PTGER1: variants seen among roughly 807,000 people sequenced by gnomAD.
PTGER1 encodes the protein prostaglandin E2 receptor EP1 subtype.
PTGER1 carries 15 observed loss-of-function variants against 18.5 expected under a neutral mutation model. The ratio of observed to expected loss-of-function variants is 0.81; its 90% CI spans 0.54 to 1.25. The LOEUF is 1.25. PTGER1 is among the 50% of genes most tolerant of loss of function. The pLI is 0.00. For synonymous variants in PTGER1, 339 were observed against 308.4 expected (o/e 1.10, Z -1.04); for missense variants, 567 against 603.4 (o/e 0.94, Z 0.63).
Position 14,474,158 on chromosome 19 carries a change from C to T in PTGER1, c.163G>A (p.Ala55Thr). 1 of 1,469,392 alleles carries T rather than the reference C, an allele frequency of 6.8e-7. No individual in the cohort carries two copies. 91.0% of individuals were successfully genotyped at this position (1,469,392 alleles called of 1,614,324 possible). A position where few individuals can be genotyped will look rare whatever the true frequency, so the allele number is the denominator to read the frequency against. ...LGAVSNLLAL[A>T]LLAQAAGRLR... ...CGGCCCGCGGCCTGCGCCAGCAGCG[C>T]CAGCGCCAGCAGGTTGGACACGGCG... is the stretch of plus-strand genomic sequence containing the variant. Residue 55 changes from alanine to threonine, a missense_variant, in exon 2 of 3, where the codon GCG becomes ACG. Transcript: ENST00000292513. The surrounding 1 kb of genome is among the most constrained non-coding windows in gnomAD (Gnocchi z 5.4).
Position 14,473,329 on chromosome 19 carries a change from C to G in PTGER1, c.942+50G>C, listed in dbSNP as rs931715464. 1.3e-6 allele frequency: 2 copies of G among 1,543,252 alleles called. No homozygotes were observed. The highest frequency in any genetic ancestry group is 1.7e-6 in the Non-Finnish European group (2 of 1,149,022). On this transcript the variant is annotated intron_variant, in intron 2 of 2. Coordinates refer to ENST00000292513, the MANE Select transcript of PTGER1 (RefSeq NM_000955.3). This position sits in a 1 kb window ranked among gnomAD's most constrained non-coding sequence, Gnocchi z 7.1. ...GGGACGACAAAGGGCGGGAGGGTGC[C>G]GAGAGGGAGCGGGAAGGAGCGTGGC...
Position 14,473,958 on chromosome 19 carries a change from G to A in PTGER1, c.363C>T (p.Gly121=), listed in dbSNP as rs1232932380. The change falls in exon 2 of 3, where the codon GGC becomes GGT. Residue 121 remains glycine (G), a synonymous_variant. Coordinates refer to ENST00000292513, the MANE Select transcript of PTGER1 (RefSeq NM_000955.3). The surrounding 1 kb of genome is among the most constrained non-coding windows in gnomAD (Gnocchi z 7.1). ...CACAGCCCAGCAGCAGCGGGCACAGGCCGAAGAAGACCATGCAGCCGCCCA... is the reference window on the plus strand; with the variant it reads ...CACAGCCCAGCAGCAGCGGGCACAGACCGAAGAAGACCATGCAGCCGCCCA... ...HFLGGCMVFF[G]LCPLLLGCGM... 15 of 1,490,816 alleles carry A rather than the reference G, an allele frequency of 1.0e-5. 1 individual carries two copies. Among genetic ancestry groups the A allele is most frequent in the African/African-American group, 1.5e-5 (1 of 68,540 alleles). 92.3% of individuals were successfully genotyped at this position (1,490,816 alleles called of 1,614,324 possible).
At position 14,473,357 on chromosome 19, in the gene PTGER1, G is replaced by T; in HGVS notation, c.942+22C>A. The T allele has an allele frequency of 1.3e-6, 2 of 1,557,884 alleles. No individual in the cohort carries two copies. The highest frequency in any genetic ancestry group is 1.2e-5 in the South Asian group (1 of 85,434). The stretch of plus-strand genomic sequence containing the variant: ...GAGGGAGCGGGAAGGAGCGTGGCTC[G>T]AGGGGCCGGTGCGCCCCTCACCAGC... On this transcript the variant is annotated intron_variant, in intron 2 of 2. Coordinates refer to ENST00000292513, the MANE Select transcript of PTGER1 (RefSeq NM_000955.3). The surrounding 1 kb of genome is among the most constrained non-coding windows in gnomAD (Gnocchi z 7.1).
chr19:14,474,200 AGAT>A lies in PTGER1; in HGVS notation c.118_120del (p.Ile40del). On this transcript the variant is annotated inframe_deletion, in exon 2 of 3. Transcript: ENST00000292513. The surrounding 1 kb of genome is among the most constrained non-coding windows in gnomAD (Gnocchi z 5.4). ...GACACGGCGCCCAGCGTCATGGAGA[AGAT>A]GGGCAGCGCGGGCGAAGCGCCCGAC... 1 of 1,523,846 alleles carries A rather than the reference AGAT, an allele frequency of 6.6e-7. No individual in the cohort carries two copies. The highest frequency in any genetic ancestry group is 1.2e-5 in the South Asian group (1 of 83,414). 94.4% of individuals were successfully genotyped at this position (1,523,846 alleles called of 1,614,324 possible). A position where few individuals can be genotyped will look rare whatever the true frequency, so the allele number is the denominator to read the frequency against.
At position 14,472,500 on chromosome 19, in the gene PTGER1, G is replaced by A. The variant is rs948272183; in HGVS notation, c.*60C>T. ...GGCTTTTTATTCCCAAAGGCTCTGC[G>A]CCGCGCACCTGGGCCCAGCCCAGGG... On this transcript the variant is annotated 3_prime_UTR_variant, in exon 3 of 3. Transcript: ENST00000292513. 2.7e-6 allele frequency: 4 copies of A among 1,477,558 alleles called. No homozygotes were observed. Among genetic ancestry groups the A allele is most frequent in the South Asian group, 1.4e-5 (1 of 72,272 alleles). 91.5% of individuals were successfully genotyped at this position (1,477,558 alleles called of 1,614,324 possible).
chr19:14,472,978 A>C lies in PTGER1; in HGVS notation c.943-152T>G, dbSNP rs928170869. The C allele has an allele frequency of 2.9e-5, 23 of 786,826 alleles. No homozygotes were observed. In the African/African-American group the frequency reaches 3.9e-4, roughly 14 times the overall value. 48.7% of individuals were successfully genotyped at this position (786,826 alleles called of 1,614,324 possible). ...GGATCCAGATGAGAAACGGATGCGGAAAAAAAAGGGGGGCAAAGAAACAAA... is the reference window on the plus strand; with the variant it reads ...GGATCCAGATGAGAAACGGATGCGGCAAAAAAAGGGGGGCAAAGAAACAAA... On this transcript the variant is annotated intron_variant, in intron 2 of 2. Transcript: ENST00000292513.
chr19:14,472,620 C>G lies in PTGER1; in HGVS notation c.1149G>C (p.Pro383=), dbSNP rs1246594579. 8.1e-6 allele frequency: 13 copies of G among 1,601,862 alleles called. No homozygotes were observed. Among genetic ancestry groups the G allele is most frequent in the Non-Finnish European group, 1.0e-5 (12 of 1,175,552 alleles). ...KGGPAGLGLT[P]SAWEASSLRS... ...GCAGCGAGCTGGCCTCCCAGGCGCT[C>G]GGTGTTAGGCCCAGCCCCGCGGGGC... The change falls in exon 3 of 3, where the codon CCG becomes CCC. Residue 383 remains proline (P), a synonymous_variant. Coordinates refer to ENST00000292513, the MANE Select transcript of PTGER1 (RefSeq NM_000955.3).
Position 14,473,748 on chromosome 19 carries a change from G to C in PTGER1, c.573C>G (p.Gly191=), listed in dbSNP as rs2071588964. ...LQYPGTWCFI[G]LGPPGGWRQA... ...GGCGCCAGCCGCCCGGGGGACCCAG[G>C]CCGATGAAGCACCACGTGCCCGGGT... Residue 191 remains glycine, a synonymous_variant, in exon 2 of 3, where the codon GGC becomes GGG. Coordinates refer to ENST00000292513, the MANE Select transcript of PTGER1 (RefSeq NM_000955.3). This position sits in a 1 kb window ranked among gnomAD's most constrained non-coding sequence, Gnocchi z 7.1. The C allele has an allele frequency of 6.9e-7, 1 of 1,457,854 alleles. No individual in the cohort carries two copies. Among genetic ancestry groups the C allele is most frequent in the Non-Finnish European group, 9.0e-7 (1 of 1,110,386 alleles). 90.3% of individuals were successfully genotyped at this position (1,457,854 alleles called of 1,614,324 possible).
At position 14,472,820 on chromosome 19, in the gene PTGER1, C is replaced by A; in HGVS notation, c.949G>T (p.Val317Leu). The change falls in exon 3 of 3, where the codon GTG becomes TTG. Residue 317 changes from valine (V) to leucine (L), a missense_variant. Val to Leu is a conservative substitution (Grantham distance 32, BLOSUM62 1). Coordinates refer to ENST00000292513, the MANE Select transcript of PTGER1 (RefSeq NM_000955.3). ...CICWSPMLVL[V>L]ALAVGGWSST... ...CTCCAGCCGCCGACGGCCAGCGCCA[C>A]CAACACCTGCGGGGGAAGCCGGTGT... The A allele has an allele frequency of 6.4e-7, 1 of 1,551,336 alleles. No individual in the cohort carries two copies. The highest frequency in any genetic ancestry group is 8.7e-7 in the Non-Finnish European group (1 of 1,150,318).
chr19:14,474,257 A>G lies in PTGER1; in HGVS notation c.64T>C (p.Trp22Arg). 1 of 1,530,464 alleles carries G rather than the reference A, an allele frequency of 6.5e-7. No individual in the cohort carries two copies. The highest frequency in any genetic ancestry group is 8.7e-7 in the Non-Finnish European group (1 of 1,144,664). The allele number at this position is 1,530,464 out of a possible 1,614,324, so 94.8% of individuals were successfully genotyped here. ...AGEATTCAAP[W>R]VPNTSAVPPS... ...GGCACGGCCGACGTGTTGGGGACCC[A>G]GGGCGCCGCGCATGTGGTCGCCTCG... Residue 22 changes from tryptophan (W) to arginine (R), a missense_variant, in exon 2 of 3, where the codon TGG becomes CGG. By Grantham distance (101) the Trp-to-Arg change is moderately radical (BLOSUM62 -3). Transcript: ENST00000292513. The surrounding 1 kb of genome is among the most constrained non-coding windows in gnomAD (Gnocchi z 5.4).
rs200671276 is a variant in PTGER1, at chr19:14,473,580, G to A, written c.741C>T (p.Pro247=). Residue 247 remains proline (P), a synonymous_variant, in exon 2 of 3, where the codon CCC becomes CCT. Transcript: ENST00000292513. The surrounding 1 kb of genome is among the most constrained non-coding windows in gnomAD (Gnocchi z 7.1). ...RSRRPPPASG[P]DSRRRWGAHG... is the part of the protein sequence containing the mutation. Reference sequence around the variant, plus strand: ...GCGCCCCCCAGCGACGCCGGCTGTCGGGGCCTGAGGCCGGGGGAGGCCGTC... The same window carrying A: ...GCGCCCCCCAGCGACGCCGGCTGTCAGGGCCTGAGGCCGGGGGAGGCCGTC... 1.3e-6 allele frequency: 2 copies of A among 1,493,364 alleles called. No individual in the cohort carries two copies. 92.5% of individuals were successfully genotyped at this position (1,493,364 alleles called of 1,614,324 possible). A position where few individuals can be genotyped will look rare whatever the true frequency, so the allele number is the denominator to read the frequency against.
chr19:14,473,617 C>A lies in PTGER1; in HGVS notation c.704G>T (p.Arg235Leu). The A allele has an allele frequency of 6.8e-7, 1 of 1,463,450 alleles. No homozygotes were observed. The highest frequency in any genetic ancestry group is 8.9e-7 in the Non-Finnish European group (1 of 1,118,290). 90.7% of individuals were successfully genotyped at this position (1,463,450 alleles called of 1,614,324 possible). Residue 235 changes from arginine (R) to leucine (L), a missense_variant, in exon 2 of 3, where the codon CGA becomes CTA. Physicochemically the swap from Arg to Leu is moderately radical, Grantham distance 102. Transcript: ENST00000292513. This position sits in a 1 kb window ranked among gnomAD's most constrained non-coding sequence, Gnocchi z 7.1. Reference protein sequence around the residue: ...SGLALLRARWRRRSRRPPPAS... With the variant: ...SGLALLRARWLRRSRRPPPAS... ...CGGGGGAGGCCGTCGGGAGCGGCGT[C>A]GCCAGCGGGCGCGTAGCAGGGCCAG...
chr19:14,473,918 G>C lies in PTGER1; in HGVS notation c.403C>G (p.Arg135Gly). ...LLLGCGMAVE[R>G]CVGVTRPLLH... ...AGCGGCCGCGTGACGCCCACGCAGC[G>C]CTCCACGGCCATGCCACAGCCCAGC... Residue 135 changes from arginine (R) to glycine (G), a missense_variant, in exon 2 of 3, where the codon CGC (arginine) becomes GGC (glycine). By Grantham distance (125) the Arg-to-Gly change is moderately radical. Transcript: ENST00000292513. This position sits in a 1 kb window ranked among gnomAD's most constrained non-coding sequence, Gnocchi z 7.1. The C allele has an allele frequency of 2.1e-6, 3 of 1,409,632 alleles. No individual in the cohort carries two copies. Among genetic ancestry groups the C allele is most frequent in the East Asian group, 3.2e-5 (1 of 31,260 alleles). 87.3% of individuals were successfully genotyped at this position (1,409,632 alleles called of 1,614,324 possible).
In PTGER1 at chr19:14,473,938, C is replaced by A. The variant is rs1311966373; in HGVS notation, c.383G>T (p.Gly128Val). 3.4e-6 allele frequency: 5 copies of A among 1,471,380 alleles called. No individual in the cohort carries two copies. Among genetic ancestry groups the A allele is most frequent in the Non-Finnish European group, 4.5e-6 (5 of 1,116,042 alleles). The allele number at this position is 1,471,380 out of a possible 1,614,324, so 91.1% of individuals were successfully genotyped here. A position where few individuals can be genotyped will look rare whatever the true frequency, so the allele number is the denominator to read the frequency against. ...GCAGCGCTCCACGGCCATGCCACAGCCCAGCAGCAGCGGGCACAGGCCGAA... is the reference window on the plus strand; with the variant it reads ...GCAGCGCTCCACGGCCATGCCACAGACCAGCAGCAGCGGGCACAGGCCGAA... ...VFFGLCPLLL[G>V]CGMAVERCVG... is the part of the protein sequence containing the mutation. Residue 128 changes from glycine (G) to valine (V), a missense_variant, in exon 2 of 3, where the codon GGC (glycine) becomes GTC (valine). By Grantham distance (109) the Gly-to-Val change is moderately radical (BLOSUM62 -3). Coordinates refer to ENST00000292513, the MANE Select transcript of PTGER1 (RefSeq NM_000955.3). This position sits in a 1 kb window ranked among gnomAD's most constrained non-coding sequence, Gnocchi z 7.1.
In PTGER1 at chr19:14,472,827, C is replaced by T; in HGVS notation, c.943-1G>A. Reference sequence around the variant, plus strand: ...CGCCGACGGCCAGCGCCACCAACACCTGCGGGGGAAGCCGGTGTGAGCTAT... The same window carrying T: ...CGCCGACGGCCAGCGCCACCAACACTTGCGGGGGAAGCCGGTGTGAGCTAT... On this transcript the variant is annotated splice_acceptor_variant, in intron 2 of 2. Coordinates refer to ENST00000292513, the MANE Select transcript of PTGER1 (RefSeq NM_000955.3). LOFTEE classifies it high-confidence loss of function. The T allele has an allele frequency of 4.5e-6, 7 of 1,549,110 alleles. No individual in the cohort carries two copies. Among genetic ancestry groups the T allele is most frequent in the Non-Finnish European group, 6.1e-6 (7 of 1,149,442 alleles).
chr19:14,474,185 C>A lies in PTGER1; in HGVS notation c.136G>T (p.Gly46Cys). ...AGCGCCAGCAGGTTGGACACGGCGC[C>A]CAGCGTCATGGAGAAGATGGGCAGC... ...PALPIFSMTL[G>C]AVSNLLALAL... Residue 46 changes from glycine to cysteine, a missense_variant, in exon 2 of 3, where the codon GGC becomes TGC. By Grantham distance (159) the Gly-to-Cys change is radical. Transcript: ENST00000292513. This position sits in a 1 kb window ranked among gnomAD's most constrained non-coding sequence, Gnocchi z 5.4. 1 of 1,514,486 alleles carries A rather than the reference C, an allele frequency of 6.6e-7. No individual in the cohort carries two copies. The highest frequency in any genetic ancestry group is 8.8e-7 in the Non-Finnish European group (1 of 1,137,504). 93.8% of individuals were successfully genotyped at this position (1,514,486 alleles called of 1,614,324 possible).
Position 14,474,143 on chromosome 19 carries a change from C to T in PTGER1, c.178G>A (p.Ala60Thr). The change falls in exon 2 of 3, where the codon GCC (alanine) becomes ACC (threonine). Residue 60 changes from alanine to threonine, a missense_variant. Coordinates refer to ENST00000292513, the MANE Select transcript of PTGER1 (RefSeq NM_000955.3). The surrounding 1 kb of genome is among the most constrained non-coding windows in gnomAD (Gnocchi z 5.4). Reference protein sequence around the residue: ...NLLALALLAQAAGRLRRRRSA... With the variant: ...NLLALALLAQTAGRLRRRRSA... ...CGGCGGCGTCGCAGGCGGCCCGCGGCCTGCGCCAGCAGCGCCAGCGCCAGC... is the reference window on the plus strand; with the variant it reads ...CGGCGGCGTCGCAGGCGGCCCGCGGTCTGCGCCAGCAGCGCCAGCGCCAGC... 1 of 1,445,400 alleles carries T rather than the reference C, an allele frequency of 6.9e-7. No individual in the cohort carries two copies. Among genetic ancestry groups the T allele is most frequent in the South Asian group, 1.4e-5 (1 of 72,840 alleles). 89.5% of individuals were successfully genotyped at this position (1,445,400 alleles called of 1,614,324 possible).
rs780042476 is a variant in PTGER1, at chr19:14,473,500, G to C, written c.821C>G (p.Thr274Ser). ...SSASSIASAS[T>S]FFGGSRSSGS... Reference sequence around the variant, plus strand: ...GCTGCTCCGAGAGCCGCCAAAGAAGGTGGAGGCCGAAGCGATGGACGAGGC... The same window carrying C: ...GCTGCTCCGAGAGCCGCCAAAGAAGCTGGAGGCCGAAGCGATGGACGAGGC... Residue 274 changes from threonine (T) to serine (S), a missense_variant, in exon 2 of 3, where the codon ACC becomes AGC. Transcript: ENST00000292513. This position sits in a 1 kb window ranked among gnomAD's most constrained non-coding sequence, Gnocchi z 7.1. 6.3e-7 allele frequency: 1 copy of C among 1,582,286 alleles called. No individual in the cohort carries two copies. Among genetic ancestry groups the C allele is most frequent in the East Asian group, 2.3e-5 (1 of 43,262 alleles).
chr19:14,473,533 G>A lies in PTGER1; in HGVS notation c.788C>T (p.Ala263Val), dbSNP rs1363777366. 3 of 1,555,966 alleles carry A rather than the reference G, an allele frequency of 1.9e-6. No individual in the cohort carries two copies. The highest frequency in any genetic ancestry group is 2.6e-6 in the Non-Finnish European group (3 of 1,156,252). Residue 263 changes from alanine (A) to valine (V), a missense_variant, in exon 2 of 3, where the codon GCC becomes GTC. Transcript: ENST00000292513. This position sits in a 1 kb window ranked among gnomAD's most constrained non-coding sequence, Gnocchi z 7.1. ...CGAAGCGATGGACGAGGCGGACGAGGCGGAGGCCGAGCGGGGTCCGTGCGC... is the reference window on the plus strand; with the variant it reads ...CGAAGCGATGGACGAGGCGGACGAGACGGAGGCCGAGCGGGGTCCGTGCGC... ...WGAHGPRSASASSASSIASAS... is the reference protein window; with the variant it reads ...WGAHGPRSASVSSASSIASAS...
Sources: gnomAD v4.1 joint callset for allele counts on GRCh38, gnomAD v4.1.1 for gene constraint, Gnocchi (gnomAD v3.1) non-coding constraint, MANE v1.5 for transcripts, NCBI Gene and HGNC (gene_info 2026-07-23, HGNC 2026-07-21) for gene names.